The following ADK variants were observed in gnomAD, a reference collection of about 807,000 sequenced individuals.
ADK encodes the protein adenosine kinase, also known as N6,N6-dimethyladenosine kinase.
In ADK, 24 loss-of-function variants were observed where a neutral mutation model predicts 44.7. The observed-to-expected ratio is 0.54, with a 90% CI of 0.39 to 0.76. The LOEUF is 0.76. Among genes scored for constraint, ADK ranks in the 30% least tolerant of loss-of-function variants. The pLI is 0.00. For synonymous variants in ADK, 128 were observed against 142.6 expected (o/e 0.90, Z 0.73); for missense variants, 321 against 425.1 (o/e 0.76, Z 2.15).
At chr10:74,302,880 T>G (rs373675284) in intron 3 of ADK, among the ~76,000 whole-genome samples, 1 of 152,208 alleles carries the variant, frequency 6.6e-6, no homozygotes, top group East Asian at 1.9e-4. Context: ...AGGAATAATT[T>G]CTTCAAATTC....
intron 3 of ADK, among the ~76,000 whole-genome samples, chr10:74,280,484 T>A (rs1192241970): frequency 6.6e-6 from 1 of 150,526 alleles, no homozygotes; most frequent in Non-Finnish European, 1.5e-5. Context: ...TAGCCCAGGC[T>A]GGTGTCTAAC....
intron 7 of ADK, among the ~76,000 whole-genome samples, chr10:74,585,786 A>T (rs1360868889): frequency 6.6e-6 from 1 of 152,174 alleles, no homozygotes; most frequent in Non-Finnish European, 1.5e-5. Context: ...TTTTAACCTG[A>T]CTGCTTCATT....
chr10:74,542,502 C>G (rs767635164), intron 7 of ADK, among the ~76,000 whole-genome samples: 1 of 152,052 alleles, frequency 6.6e-6, no homozygotes, highest in Non-Finnish European at 1.5e-5. Context: ...TTCCTTTCCC[C>G]TTCAAGTATT....
intron 9 of ADK, among the ~76,000 whole-genome samples, chr10:74,630,267 T>C (rs897206494): frequency 2.6e-5 from 4 of 151,670 alleles, no homozygotes; most frequent in African/African-American, 7.3e-5. Context: ...CAAACTACTA[T>C]AGATGTGATA....
intron 7 of ADK, among the ~76,000 whole-genome samples, chr10:74,564,692 T>C (rs1453095158): frequency 1.3e-5 from 2 of 152,226 alleles, no homozygotes; most frequent in African/African-American, 2.4e-5. Flanking sequence ...TTCCTAATTT[T>C]ACATGTGCAA....
At chr10:74,588,582 A>G (rs1898056) in intron 7 of ADK, among the ~76,000 whole-genome samples, 35,412 of 152,072 alleles carry the variant, frequency 0.23, 5,042 homozygotes, top group East Asian at 0.63. Flanking sequence ...TTAGGTTAGA[A>G]TACTTTATAG....
At chr10:74,363,055 G>A (rs1320453497) in intron 4 of ADK, among the ~76,000 whole-genome samples, 1 of 152,210 alleles carries the variant, frequency 6.6e-6, no homozygotes, top group Non-Finnish European at 1.5e-5. Flanking sequence ...AGGCTGATTG[G>A]CTCACCTCAT....
chr10:74,662,198 C>T (rs1043474838), intron 9 of ADK, among the ~76,000 whole-genome samples: 4 of 152,016 alleles, frequency 2.6e-5, no homozygotes, highest in Non-Finnish European at 5.9e-5. Context: ...TGTGGCTTGC[C>T]CAAGGATTCT....
chr10:74,244,810 A>G (rs1486484350), intron 3 of ADK, among the ~76,000 whole-genome samples: 3 of 152,152 alleles, frequency 2.0e-5, no homozygotes, highest in African/African-American at 2.4e-5. Context: ...TAATTTTTGT[A>G]TTAGGAAGAG....
chr10:74,621,838 G>A (rs1853004916), intron 9 of ADK, among the ~76,000 whole-genome samples: 2 of 152,078 alleles, frequency 1.3e-5, no homozygotes, highest in African/African-American at 4.8e-5. Flanking sequence ...TCAAGGTTGG[G>A]TTATAGTTTT....
In ADK at chr10:74,480,664, A is replaced by G. The variant is rs531606975; in HGVS notation, c.556-44592A>G. Among the ~76,000 whole-genome samples the G allele has an allele frequency of 8.5e-5, 13 of 152,202 alleles. No homozygotes were observed. The South Asian group carries it at 2.5e-3, about 29-fold the overall frequency. ...CCTGTAGGCCTGAAAATACTGTTTCATCATTAAGGTCTAATAATTTTACCA... is the reference window on the plus strand; with the variant it reads ...CCTGTAGGCCTGAAAATACTGTTTCGTCATTAAGGTCTAATAATTTTACCA... On this transcript the variant is annotated intron_variant, in intron 6 of 10. Coordinates refer to ENST00000539909, the MANE Select transcript of ADK (RefSeq NM_006721.4).
At chr10:74,679,359 C>T (rs1291594170) in intron 10 of ADK, among the ~76,000 whole-genome samples, 1 of 152,132 alleles carries the variant, frequency 6.6e-6, no homozygotes, top group Admixed American at 6.5e-5. Flanking sequence ...AAATCTTGCC[C>T]TTCCTACTTT....
intron 6 of ADK, among the ~76,000 whole-genome samples, chr10:74,431,066 CAAAAAAA>C (rs35141788): frequency 1.7e-5 from 1 of 57,238 alleles, no homozygotes; most frequent in African/African-American, 8.1e-5. Flanking sequence ...GACTCCGTCT[CAAAAAAA>C]AAAAAAAAAA....
At chr10:74,614,677 G>A (rs569251510) in intron 9 of ADK, among the ~76,000 whole-genome samples, 87 of 151,988 alleles carry the variant, frequency 5.7e-4, no homozygotes, top group African/African-American at 1.9e-3. Flanking sequence ...ATCCATTTTT[G>A]TGCACTTTCT....
Position 74,525,406 on chromosome 10 carries a change from A to G in ADK, c.706A>G (p.Ile236Val). 4 of 1,613,084 alleles carry G rather than the reference A, an allele frequency of 2.5e-6. No homozygotes were observed. Among genetic ancestry groups the G allele is most frequent in the South Asian group, 2.2e-5 (2 of 91,076 alleles). ...GATGAAAGTTATGCCTTATGTTGAT[A>G]TACTTTTTGGAAATGAGACAGTGAG... Reference protein sequence around the residue: ...SLMKVMPYVDILFGNETEAAT... With the variant: ...SLMKVMPYVDVLFGNETEAAT... The change falls in exon 7 of 11, where the codon ATA (isoleucine) becomes GTA (valine). Residue 236 changes from isoleucine to valine, a missense_variant. Transcript: ENST00000539909.
At chr10:74,188,535 G>T (rs958235878) in intron 1 of ADK, among the ~76,000 whole-genome samples, 1 of 151,480 alleles carries the variant, frequency 6.6e-6, no homozygotes, top group Non-Finnish European at 1.5e-5. Flanking sequence ...TGTGTTTTTA[G>T]CAGAGACGGG....
chr10:74,576,028 A>T (rs1478162770), intron 7 of ADK, among the ~76,000 whole-genome samples: 2 of 152,178 alleles, frequency 1.3e-5, no homozygotes, highest in Non-Finnish European at 2.9e-5. Flanking sequence ...GTGAGGCAGG[A>T]TATCTTACAA....
intron 6 of ADK, among the ~76,000 whole-genome samples, chr10:74,455,818 A>G (rs1845924980): frequency 6.6e-6 from 1 of 152,154 alleles, no homozygotes; most frequent in Non-Finnish European, 1.5e-5. Flanking sequence ...AGAATATTGA[A>G]TATTGGCTCC....
At chr10:74,655,762 TC>T in intron 9 of ADK, 1 of 491,430 alleles carries the variant, frequency 2.0e-6, no homozygotes. Context: ...CCAGACACCC[TC>T]CCTGGCCACC....
Sources: gnomAD v4.1 joint callset for allele counts (sites outside exome capture counted in the v4.1 genomes callset) on GRCh38, gnomAD v4.1.1 for gene constraint, MANE v1.5 for transcripts, NCBI Gene and HGNC (gene_info 2026-07-23, HGNC 2026-07-21) for gene names.